FRAS1: variants seen among roughly 807,000 people sequenced by gnomAD.
The protein encoded by FRAS1 is extracellular matrix organizing protein FRAS1.
A neutral mutation model predicts 435.2 loss-of-function variants in FRAS1; 290 were observed. The observed-to-expected ratio is 0.67, with a 90% CI of 0.61 to 0.73. The LOEUF is 0.73. Among genes scored for constraint, FRAS1 ranks in the 30% least tolerant of loss-of-function variants. FRAS1 has a pLI of 0.00. For missense variants in FRAS1, 4,860 were observed against 5,001.5 expected (o/e 0.97, Z 0.85); for synonymous variants, 1,800 against 1,851.0 (o/e 0.97, Z 0.71).
chr4:78,277,466 C>CA (rs1727106345), intron 9 of FRAS1, among the ~76,000 whole-genome samples: 1 of 152,126 alleles, frequency 6.6e-6, no homozygotes, highest in South Asian at 2.1e-4. Flanking sequence ...CCGCCCCCCC[C>CA]ATTCTTTAGA....
In FRAS1 at chr4:78,418,991, T is replaced by C. The variant is rs1733657875; in HGVS notation, c.4468T>C (p.Ser1490Pro). ...GACTGTTATTCAGCCTCATTCCCTC[T>C]CCTTCATAAACTCTGAGAAGCCAAG... is the stretch of plus-strand genomic sequence containing the variant. ...GLTVIQPHSL[S>P]FINSEKPSGK... The change falls in exon 33 of 74, where the codon TCC becomes CCC. Residue 1490 changes from serine to proline, a missense_variant. By Grantham distance (74) the Ser-to-Pro change is moderately conservative. Coordinates refer to ENST00000512123, the MANE Select transcript of FRAS1 (RefSeq NM_025074.7). 1.9e-6 allele frequency: 3 copies of C among 1,604,884 alleles called. No individual in the cohort carries two copies. The highest frequency in any genetic ancestry group is 1.1e-5 in the South Asian group (1 of 88,426).
At chr4:78,157,387 T>A (rs1720941589) in intron 2 of FRAS1, among the ~76,000 whole-genome samples, 1 of 152,212 alleles carries the variant, frequency 6.6e-6, no homozygotes, top group African/African-American at 2.4e-5. Flanking sequence ...TTTAGTTCTT[T>A]AGAAATTTCC....
intron 25 of FRAS1, among the ~76,000 whole-genome samples, chr4:78,374,716 T>C (rs950524041): frequency 3.9e-5 from 6 of 152,222 alleles, no homozygotes; most frequent in Admixed American, 6.5e-5. Context: ...CCCCAAGTCT[T>C]AATCTCCTTG....
At chr4:78,146,233 C>G (rs150454063) in intron 2 of FRAS1, among the ~76,000 whole-genome samples, 31 of 152,254 alleles carry the variant, frequency 2.0e-4, no homozygotes, top group African/African-American at 7.5e-4. Context: ...TATACAAGTT[C>G]ACCCACTCTC....
At chr4:78,108,569 A>C (rs1329609866) in intron 2 of FRAS1, among the ~76,000 whole-genome samples, 1 of 104,040 alleles carries the variant, frequency 9.6e-6, no homozygotes, top group Non-Finnish European at 1.9e-5. Context: ...AAGACACCAC[A>C]TGCCAGAATC....
At chr4:78,380,724 A>G (rs1731980850) in intron 27 of FRAS1, among the ~76,000 whole-genome samples, 2 of 152,248 alleles carry the variant, frequency 1.3e-5, no homozygotes, top group Non-Finnish European at 2.9e-5. Flanking sequence ...GACTCTATGT[A>G]TAAACAAGGA....
At chr4:78,196,652 C>T (rs1351585831) in intron 2 of FRAS1, among the ~76,000 whole-genome samples, 1 of 151,436 alleles carries the variant, frequency 6.6e-6, no homozygotes. Flanking sequence ...GTAATGGTGT[C>T]TGTGGGCATA....
intron 2 of FRAS1, among the ~76,000 whole-genome samples, chr4:78,232,379 G>A (rs189009855): frequency 1.1e-3 from 173 of 151,342 alleles, no homozygotes; most frequent in African/African-American, 4.0e-3. Flanking sequence ...TCCGCCTCCC[G>A]GGTTCATGCC....
At chr4:78,243,188 CTA>C (rs879486530) in intron 3 of FRAS1, among the ~76,000 whole-genome samples, 1,024 of 99,812 alleles carry the variant, frequency 0.01, 6 homozygotes, top group Non-Finnish European at 0.021. Flanking sequence ...TTAACTCTCT[CTA>C]TATATATATA....
chr4:78,234,580 C>T (rs1724665697), intron 2 of FRAS1, among the ~76,000 whole-genome samples: 1 of 152,136 alleles, frequency 6.6e-6, no homozygotes, highest in African/African-American at 2.4e-5. Context: ...GTAATAGTTA[C>T]ACTATTGCCA....
chr4:78,179,777 A>G (rs1208455210), intron 2 of FRAS1, among the ~76,000 whole-genome samples: 1 of 152,206 alleles, frequency 6.6e-6, no homozygotes, highest in Non-Finnish European at 1.5e-5. Context: ...ACAAATGAAT[A>G]TGACTGTCCC....
intron 31 of FRAS1, among the ~76,000 whole-genome samples, chr4:78,412,758 A>T (rs1259397584): frequency 6.6e-6 from 1 of 152,208 alleles, no homozygotes; most frequent in Non-Finnish European, 1.5e-5. Flanking sequence ...CTGCATTTTC[A>T]ACTTTGCTTA....
rs923215777 is a variant in FRAS1, at chr4:78,105,889, G to A, written c.108+39873G>A. Reference sequence around the variant, plus strand: ...ACAGTGGGCGCAGGCCAGTGTGTGCGCGCACCGTGCGCGAGCCGAAGCAGG... The same window carrying A: ...ACAGTGGGCGCAGGCCAGTGTGTGCACGCACCGTGCGCGAGCCGAAGCAGG... On this transcript the variant is annotated intron_variant, in intron 2 of 73. Transcript: ENST00000512123. 1.6e-4 allele frequency among the ~76,000 whole-genome samples: 22 copies of A among 136,688 alleles called. 2 individuals are homozygous for A. The highest frequency in any genetic ancestry group is 9.8e-4 in the Admixed American group (13 of 13,250). 89.7% of individuals were successfully genotyped at this position (136,688 alleles called of 152,430 possible).
At chr4:78,388,103 A>G (rs949410301) in intron 29 of FRAS1, among the ~76,000 whole-genome samples, 2 of 152,040 alleles carry the variant, frequency 1.3e-5, no homozygotes, top group Non-Finnish European at 2.9e-5. Context: ...AGGTGGGTGG[A>G]TCACGAGGTC....
chr4:78,462,864 G>A (rs901277469), intron 47 of FRAS1, among the ~76,000 whole-genome samples: 2 of 152,176 alleles, frequency 1.3e-5, no homozygotes, highest in African/African-American at 2.4e-5. Flanking sequence ...AAGGAGAGAT[G>A]CAAATGTAAA....
chr4:78,508,545 C>T (rs1191815070), intron 62 of FRAS1, among the ~76,000 whole-genome samples, 186 bp from the exon 63 acceptor site: 1 of 152,200 alleles, frequency 6.6e-6, no homozygotes, highest in Admixed American at 6.5e-5. Flanking sequence ...GAAGAATCTT[C>T]TCCACCACTA....
intron 16 of FRAS1, among the ~76,000 whole-genome samples, chr4:78,316,565 G>A (rs1253030196): frequency 1.3e-5 from 2 of 152,026 alleles, no homozygotes; most frequent in East Asian, 3.9e-4. Context: ...GTCCTGCAGA[G>A]TCTTCTTCCC....
chr4:78,199,113 T>C (rs899465332), intron 2 of FRAS1, among the ~76,000 whole-genome samples: 5 of 152,184 alleles, frequency 3.3e-5, no homozygotes, highest in African/African-American at 1.2e-4. Context: ...AATTTTTACA[T>C]GTATTTTATG....
intron 1 of FRAS1, among the ~76,000 whole-genome samples, chr4:78,060,322 A>G (rs1359659787): frequency 6.6e-6 from 1 of 152,200 alleles, no homozygotes; most frequent in African/African-American, 2.4e-5. Context: ...TCAAGTTTTT[A>G]TTATCAGCCT....
Sources: gnomAD v4.1 joint callset for allele counts (sites outside exome capture counted in the v4.1 genomes callset) on GRCh38, gnomAD v4.1.1 for gene constraint, MANE v1.5 for transcripts, NCBI Gene and HGNC (gene_info 2026-07-23, HGNC 2026-07-21) for gene names.